The following PTPRG variants were observed in gnomAD, a reference collection of about 807,000 sequenced individuals.
PTPRG encodes receptor-type tyrosine-protein phosphatase gamma.
In PTPRG, 102 loss-of-function variants were observed where a neutral mutation model predicts 165.3. The observed-to-expected ratio is 0.62, with a 90% confidence interval of 0.53 to 0.73. PTPRG has a LOEUF of 0.73. PTPRG is among the 30% of genes least tolerant of loss of function. The pLI is 0.00. For synonymous variants in PTPRG, 675 were observed against 669.5 expected (o/e 1.01, Z -0.13); for missense variants, 1,866 against 1,861.4 (o/e 1.00, Z -0.05).
chr3:61,611,219 G>T (rs891662679), intron 1 of PTPRG, among the ~76,000 whole-genome samples: 3 of 152,164 alleles, frequency 2.0e-5, no homozygotes, highest in African/African-American at 7.2e-5. Context: ...AGCTCTGAAG[G>T]TATCATATAC....
At position 61,963,495 on chromosome 3, in the gene PTPRG, G is replaced by A. The variant is rs80142478; in HGVS notation, c.191-26130G>A. Among the ~76,000 whole-genome samples the A allele has an allele frequency of 9.3e-3, 1,413 of 152,172 alleles. 13 individuals are homozygous for A. The highest frequency in any genetic ancestry group is 0.017 in the Non-Finnish European group (1,151 of 67,974). Reference sequence around the variant, plus strand: ...TGTAATTTTATGCTTTTATACTTGCGGATGCTAGAAAGAGAAAATATTTAT... The same window carrying A: ...TGTAATTTTATGCTTTTATACTTGCAGATGCTAGAAAGAGAAAATATTTAT... On this transcript the variant is annotated intron_variant, in intron 2 of 29. Coordinates refer to ENST00000474889, the MANE Select transcript of PTPRG (RefSeq NM_002841.4).
At chr3:61,562,730 G>A (rs1699794701) in intron 1 of PTPRG, among the ~76,000 whole-genome samples, 1 of 152,228 alleles carries the variant, frequency 6.6e-6, no homozygotes, top group South Asian at 2.1e-4. Flanking sequence ...CGGTTGGGGA[G>A]ACTGAGGCCA....
chr3:62,128,990 A>G (rs1703415888), intron 5 of PTPRG, among the ~76,000 whole-genome samples: 1 of 152,092 alleles, frequency 6.6e-6, no homozygotes, highest in African/African-American at 2.4e-5. Flanking sequence ...GCTCAGTATT[A>G]TTAGTAAGTT....
intron 5 of PTPRG, among the ~76,000 whole-genome samples, chr3:62,122,635 G>C (rs1703119920): frequency 6.6e-6 from 1 of 152,128 alleles, no homozygotes; most frequent in Admixed American, 6.6e-5. Context: ...TTCTATGTTT[G>C]TTTAAACATA....
At chr3:61,633,334 C>A (rs967868788) in intron 1 of PTPRG, among the ~76,000 whole-genome samples, 3 of 151,836 alleles carry the variant, frequency 2.0e-5, no homozygotes, top group African/African-American at 7.3e-5. Context: ...AATAAAGGAA[C>A]CTGTAGTAGC....
At chr3:61,742,415 T>TTTC in intron 1 of PTPRG, 1 of 1,246,774 alleles carries the variant, frequency 8.0e-7, no homozygotes, top group South Asian at 1.9e-5. Flanking sequence ...TTTTTTTTTT[T>TTTC]TTTTTTTTGA....
chr3:61,675,022 C>G (rs932288708), intron 1 of PTPRG, among the ~76,000 whole-genome samples: 1 of 152,174 alleles, frequency 6.6e-6, no homozygotes, highest in African/African-American at 2.4e-5. Context: ...GTTGAATCAA[C>G]AAAGCAAGAA....
chr3:61,774,413 T>A (rs1254730824), intron 2 of PTPRG, among the ~76,000 whole-genome samples: 1 of 152,218 alleles, frequency 6.6e-6, no homozygotes, highest in East Asian at 1.9e-4. Flanking sequence ...AAAATTTGGC[T>A]GTCTTATATA....
chr3:61,711,758 C>T (rs1047425628), intron 1 of PTPRG, among the ~76,000 whole-genome samples: 10 of 152,166 alleles, frequency 6.6e-5, no homozygotes, highest in African/African-American at 2.4e-4. Flanking sequence ...TCTTTACTTG[C>T]GTATCATTCA....
chr3:61,881,661 A>G (rs2037892095), intron 2 of PTPRG, among the ~76,000 whole-genome samples: 1 of 152,220 alleles, frequency 6.6e-6, no homozygotes, highest in African/African-American at 2.4e-5. Flanking sequence ...GGTAAAGAAC[A>G]CTTTCCTCAA....
chr3:61,761,699 C>G (rs1050044322), intron 2 of PTPRG, among the ~76,000 whole-genome samples: 1 of 152,156 alleles, frequency 6.6e-6, no homozygotes, highest in Non-Finnish European at 1.5e-5. Flanking sequence ...TGAGAGTTTC[C>G]TTGGACACGG....
In PTPRG at chr3:61,601,363, A is replaced by G. The variant is rs556166804; in HGVS notation, c.85+38991A>G. Among the ~76,000 whole-genome samples the G allele has an allele frequency of 3.9e-5, 6 of 152,354 alleles. No homozygotes were observed. The South Asian group carries it at 1.2e-3, about 32-fold the overall frequency. ...CTTTCTGAGTTGAGTTAACTCATCC[A>G]GAACACACTTTGGGAAGACACTGAA... On this transcript the variant is annotated intron_variant, in intron 1 of 29. Transcript: ENST00000474889.
At chr3:62,050,237 G>A (rs992336556) in intron 4 of PTPRG, among the ~76,000 whole-genome samples, 8 of 152,160 alleles carry the variant, frequency 5.3e-5, no homozygotes, top group Admixed American at 2.0e-4. Context: ...TATGACAGTG[G>A]TTTCAGAAGA....
chr3:62,065,899 T>C (rs1700996366), intron 4 of PTPRG, among the ~76,000 whole-genome samples: 1 of 152,136 alleles, frequency 6.6e-6, no homozygotes, highest in Non-Finnish European at 1.5e-5. Context: ...CTAAAGGGTG[T>C]GGTTTGGATT....
At chr3:61,590,131 C>G (rs983853253) in intron 1 of PTPRG, among the ~76,000 whole-genome samples, 5 of 151,284 alleles carry the variant, frequency 3.3e-5, no homozygotes, top group African/African-American at 1.2e-4. Context: ...ATGGCATCAT[C>G]TTCTATTTCA....
intron 2 of PTPRG, among the ~76,000 whole-genome samples, chr3:61,973,998 T>C (rs1165953195): frequency 6.6e-6 from 1 of 151,928 alleles, no homozygotes; most frequent in African/African-American, 2.4e-5. Flanking sequence ...ATGGTATTAG[T>C]GATATTTAAA....
At chr3:62,169,980 G>T (rs945113881) in intron 8 of PTPRG, among the ~76,000 whole-genome samples, 1 of 152,140 alleles carries the variant, frequency 6.6e-6, no homozygotes, top group Non-Finnish European at 1.5e-5. Context: ...TTCTGAAAAG[G>T]AGCTAAAAGA....
At chr3:62,243,966 G>C in intron 15 of PTPRG, 68 bp downstream of exon 15, 2 of 975,188 alleles carry the variant, frequency 2.1e-6, no homozygotes, top group Non-Finnish European at 3.1e-6. Context: ...AGTTTTATGT[G>C]ATAAAACAAC....
chr3:62,060,559 G>A (rs1329304276), intron 4 of PTPRG, among the ~76,000 whole-genome samples: 3 of 152,194 alleles, frequency 2.0e-5, no homozygotes, highest in Admixed American at 2.0e-4. Context: ...GCTATGCACT[G>A]TTCTGTCTGT....
Sources: allele counts gnomAD v4.1 joint callset (sites outside exome capture counted in the v4.1 genomes callset), GRCh38; gene constraint gnomAD v4.1.1; transcripts MANE v1.5; gene names NCBI Gene and HGNC (gene_info 2026-07-23, HGNC 2026-07-21).